KANSL1: variants seen among roughly 807,000 people sequenced by gnomAD.
The protein encoded by KANSL1 is KAT8 regulatory NSL complex subunit 1, also known as MLL1/MLL complex subunit KANSL1.
In KANSL1, 22 loss-of-function variants were observed where a neutral mutation model predicts 103.6. The ratio of observed to expected loss-of-function variants is 0.21; its 90% confidence interval spans 0.15 to 0.30. The LOEUF (loss-of-function observed/expected upper bound fraction) is 0.30, where lower values mean the gene tolerates loss of function less well. Among genes scored for constraint, KANSL1 ranks in the 10% least tolerant of loss-of-function variants. KANSL1 has a pLI of 1.00. For missense variants in KANSL1, 1,337 were observed against 1,399.8 expected, an observed-to-expected ratio of 0.96 and a Z score of 0.72; for synonymous variants, 600 against 527.6, an observed-to-expected ratio of 1.14 and a Z score of -1.88.
At chr17:46,178,171 A>G (rs1402979162) in intron 1 of KANSL1, among the ~76,000 whole-genome samples, 1 of 152,256 alleles carries the variant, frequency 6.6e-6, no homozygotes, top group Non-Finnish European at 1.5e-5. Flanking sequence ...ATCTTTGACA[A>G]TGTAAAGCAG....
At chr17:46,087,695 C>G (rs1448569603) in intron 3 of KANSL1, among the ~76,000 whole-genome samples, 3 of 152,166 alleles carry the variant, frequency 2.0e-5, no homozygotes, top group Admixed American at 2.0e-4. Context: ...AATTACTTAA[C>G]ATTCCCCAAA....
intron 1 of KANSL1, among the ~76,000 whole-genome samples, chr17:46,203,239 CAAAAA>C (rs918055642): frequency 1.3e-5 from 2 of 150,768 alleles, no homozygotes; most frequent in East Asian, 3.9e-4. Context: ...GACTCCGTCT[CAAAAA>C]AAAAGAAAGA....
intron 6 of KANSL1, among the ~76,000 whole-genome samples, chr17:46,060,191 C>T (rs535503851): frequency 3.3e-5 from 5 of 152,172 alleles, no homozygotes; most frequent in African/African-American, 4.8e-5. Context: ...ATAGCATATT[C>T]GTCCAAAACA....
At chr17:46,182,652 A>G (rs144997692) in intron 1 of KANSL1, among the ~76,000 whole-genome samples, 2,834 of 152,310 alleles carry the variant, frequency 0.019, 49 homozygotes, top group South Asian at 0.057. Context: ...TACTATGTCA[A>G]TCACTATGCT....
intron 2 of KANSL1, among the ~76,000 whole-genome samples, chr17:46,154,381 G>C (rs2045301275): frequency 6.6e-6 from 1 of 152,234 alleles, no homozygotes; most frequent in Non-Finnish European, 1.5e-5. Flanking sequence ...CCAGGCTCAA[G>C]TGATCCTCCC....
chr17:46,080,256 T>C (rs78938131), intron 4 of KANSL1, among the ~76,000 whole-genome samples: 1 of 136,698 alleles, frequency 7.3e-6, no homozygotes, highest in Non-Finnish European at 1.5e-5. Flanking sequence ...GAGGCTGAAG[T>C]GAGCTATGAT....
At chr17:46,201,171 C>G (rs1450236160) in intron 1 of KANSL1, among the ~76,000 whole-genome samples, 1 of 152,230 alleles carries the variant, frequency 6.6e-6, no homozygotes, top group African/African-American at 2.4e-5. Context: ...CTCAGCCTCC[C>G]AAAGTACTGG....
At chr17:46,165,100 C>T (rs2045928622) in intron 2 of KANSL1, among the ~76,000 whole-genome samples, 1 of 152,208 alleles carries the variant, frequency 6.6e-6, no homozygotes, top group African/African-American at 2.4e-5. Context: ...GAACAAGACT[C>T]TCTCTCAAAT....
At chr17:46,115,521 G>A (rs1424171674) in intron 2 of KANSL1, among the ~76,000 whole-genome samples, 2 of 151,736 alleles carry the variant, frequency 1.3e-5, no homozygotes, top group African/African-American at 2.4e-5. Flanking sequence ...GAAATCCCAA[G>A]GAAAGTATAC....
At chr17:46,113,756 T>C (rs2042924091) in intron 2 of KANSL1, among the ~76,000 whole-genome samples, 1 of 152,188 alleles carries the variant, frequency 6.6e-6, no homozygotes, top group Non-Finnish European at 1.5e-5. Flanking sequence ...GGGGGTACAG[T>C]CCTTATAGGT....
intron 7 of KANSL1, chr17:46,040,586 A>G (rs1352793765): frequency 1.3e-5 from 2 of 152,250 alleles, no homozygotes; most frequent in Non-Finnish European, 2.9e-5. Context: ...AAGCTATTCA[A>G]TTCTTCCGTG....
chr17:46,204,687 A>ATTT (rs1183053788), intron 1 of KANSL1, among the ~76,000 whole-genome samples: 1 of 152,250 alleles, frequency 6.6e-6, no homozygotes, highest in Non-Finnish European at 1.5e-5. Flanking sequence ...ATGAATACAG[A>ATTT]TGTAAAAGTC....
chr17:46,064,960 T>G (rs927755937), intron 6 of KANSL1, among the ~76,000 whole-genome samples: 2 of 151,206 alleles, frequency 1.3e-5, no homozygotes, highest in Non-Finnish European at 3.0e-5. Context: ...TATACGTGTG[T>G]TTTTTTTGTT....
At chr17:46,055,865 C>T (rs2077907456) in intron 6 of KANSL1, among the ~76,000 whole-genome samples, 1 of 151,962 alleles carries the variant, frequency 6.6e-6, no homozygotes, top group African/African-American at 2.4e-5. Context: ...ACTTTTAAAT[C>T]AGTTTAAAAA....
intron 2 of KANSL1, among the ~76,000 whole-genome samples, chr17:46,124,973 G>A (rs1026763612): frequency 3.4e-5 from 5 of 148,828 alleles, no homozygotes; most frequent in African/African-American, 1.3e-4. Context: ...ATTAGAAATC[G>A]AGAATTAGAA....
intron 2 of KANSL1, among the ~76,000 whole-genome samples, chr17:46,148,519 C>T (rs775349554): frequency 2.0e-5 from 3 of 152,134 alleles, no homozygotes; most frequent in Non-Finnish European, 4.4e-5. Flanking sequence ...GTCATTTTTA[C>T]GAGTTCACAT....
At chr17:46,059,647 A>AAAAAAGAGAGAGAGAGAG (rs541946204) in intron 6 of KANSL1, among the ~76,000 whole-genome samples, 1 of 54,830 alleles carries the variant, frequency 1.8e-5, no homozygotes. Context: ...AAAAAAAAAA[A>AAAAAAGAGAGAGAGAGAG]AGAGAGAGAG....
chr17:46,215,977 C>T (rs534621058), intron 1 of KANSL1, among the ~76,000 whole-genome samples: 5 of 152,266 alleles, frequency 3.3e-5, no homozygotes, highest in Non-Finnish European at 7.3e-5. Context: ...GAGGCAGAGG[C>T]TGCCGTGAGC....
intron 6 of KANSL1, among the ~76,000 whole-genome samples, chr17:46,053,454 TA>T (rs1198404704): frequency 1.9e-5 from 1 of 51,320 alleles, no homozygotes; most frequent in African/African-American, 7.8e-5. Flanking sequence ...ATTTAATACT[TA>T]TTTTTTTTTT....
Sources: allele counts gnomAD v4.1 joint callset (sites outside exome capture counted in the v4.1 genomes callset), GRCh38; gene constraint gnomAD v4.1.1; transcripts MANE v1.5; gene names NCBI Gene and HGNC (gene_info 2026-07-23, HGNC 2026-07-21).